The following GPC5 variants were observed in gnomAD, a reference collection of about 807,000 sequenced individuals.
GPC5 encodes glypican 5.
A neutral mutation model predicts 53.9 loss-of-function variants in GPC5; 47 were observed. The ratio of observed to expected loss-of-function variants is 0.87; its 90% CI spans 0.69 to 1.11. GPC5 has a LOEUF of 1.11. GPC5 is among the 50% of genes most tolerant of loss of function. The pLI is 0.00. For synonymous variants in GPC5, 286 were observed against 263.3 expected, an observed-to-expected ratio of 1.09 and a Z score of -0.84; for missense variants, 748 against 713.1, an observed-to-expected ratio of 1.05 and a Z score of -0.56.
At chr13:92,031,864 T>A (rs186279215) in intron 6 of GPC5, among the ~76,000 whole-genome samples, 1,602 of 31,662 alleles carry the variant, frequency 0.051, 24 homozygotes, top group Non-Finnish European at 0.078. Context: ...ATAATATATA[T>A]ATTATATATA....
chr13:92,798,871 A>ATGATT (rs1220995352), intron 7 of GPC5, among the ~76,000 whole-genome samples: 1 of 151,858 alleles, frequency 6.6e-6, no homozygotes, highest in African/African-American at 2.4e-5. Context: ...AAAACTCTAA[A>ATGATT]TGTAGTTTTA....
In GPC5 at chr13:91,883,869, G is replaced by A. The variant is rs530707685; in HGVS notation, c.1281-24068G>A. The stretch of plus-strand genomic sequence containing the variant: ...CTCGTGTCATGGGGGTTTGTTGTAC[G>A]GATTATTCCATTACCCACATAGTAA... On this transcript the variant is annotated intron_variant, in intron 5 of 7. Transcript: ENST00000377067. Among the ~76,000 whole-genome samples the A allele has an allele frequency of 4.6e-5, 7 of 151,954 alleles. No homozygotes were observed. In the South Asian group the frequency reaches 6.2e-4, roughly 14 times the overall value.
chr13:92,438,376 CAAAATA>C (rs1357330912), intron 7 of GPC5, among the ~76,000 whole-genome samples: 1 of 52,464 alleles, frequency 1.9e-5, no homozygotes, highest in African/African-American at 9.0e-5. Flanking sequence ...ACGTTTAAAG[CAAAATA>C]AATATATATA....
intron 5 of GPC5, among the ~76,000 whole-genome samples, chr13:91,793,054 T>C (rs919203636): frequency 7.9e-5 from 12 of 152,168 alleles, no homozygotes; most frequent in Admixed American, 7.9e-4. Flanking sequence ...GATGTATTAG[T>C]CTGTTCTCAT....
intron 6 of GPC5, among the ~76,000 whole-genome samples, chr13:92,121,041 G>A (rs2041644849): frequency 6.6e-6 from 1 of 152,154 alleles, no homozygotes; most frequent in Non-Finnish European, 1.5e-5. Flanking sequence ...TCAACAGGAG[G>A]ATAGAGATGC....
intron 7 of GPC5, among the ~76,000 whole-genome samples, chr13:92,402,029 G>T (rs1252495061): frequency 1.3e-5 from 2 of 152,094 alleles, no homozygotes; most frequent in African/African-American, 4.8e-5. Flanking sequence ...CCGTCAGAAG[G>T]CTCCTATTGA....
intron 6 of GPC5, among the ~76,000 whole-genome samples, chr13:91,998,973 C>T (rs568110062): frequency 6.6e-6 from 1 of 152,152 alleles, no homozygotes; most frequent in Admixed American, 6.5e-5. Context: ...GTCTTTCTTA[C>T]TAGAACTAGC....
chr13:92,106,032 C>T (rs1301252331), intron 6 of GPC5, among the ~76,000 whole-genome samples: 1 of 151,876 alleles, frequency 6.6e-6, no homozygotes, highest in African/African-American at 2.4e-5. Context: ...TTGTTATGTA[C>T]CAGTGATTCA....
At chr13:91,830,172 C>A (rs1277255169) in intron 5 of GPC5, among the ~76,000 whole-genome samples, 3 of 152,042 alleles carry the variant, frequency 2.0e-5, no homozygotes, top group Non-Finnish European at 4.4e-5. Context: ...TACCCCCAGG[C>A]ACGTATTCTC....
chr13:91,828,245 A>G (rs1473814729), intron 5 of GPC5, among the ~76,000 whole-genome samples: 2 of 152,046 alleles, frequency 1.3e-5, no homozygotes, highest in Non-Finnish European at 2.9e-5. Context: ...ATTGAATGGT[A>G]CATTTAATAT....
At chr13:91,773,037 C>G (rs2037652971) in intron 5 of GPC5, among the ~76,000 whole-genome samples, 1 of 152,000 alleles carries the variant, frequency 6.6e-6, no homozygotes, top group African/African-American at 2.4e-5. Flanking sequence ...ATGTGAGATT[C>G]TTGTTTGACT....
chr13:92,096,732 A>G (rs1198907182), intron 6 of GPC5, among the ~76,000 whole-genome samples: 1 of 152,220 alleles, frequency 6.6e-6, no homozygotes, highest in Non-Finnish European at 1.5e-5. Context: ...CCTTTAACAG[A>G]CACCATGTTG....
intron 7 of GPC5, among the ~76,000 whole-genome samples, chr13:92,325,618 T>A (rs1261036582): frequency 6.6e-6 from 1 of 152,168 alleles, no homozygotes; most frequent in East Asian, 1.9e-4. Flanking sequence ...GGCAAACAGA[T>A]GATTGGTTGA....
chr13:92,420,621 C>T (rs1876515707), intron 7 of GPC5, among the ~76,000 whole-genome samples: 2 of 151,882 alleles, frequency 1.3e-5, no homozygotes, highest in South Asian at 4.1e-4. Flanking sequence ...ATTAAACATC[C>T]CTGCCTCCCT....
At chr13:92,173,193 T>G (rs1229092501) in intron 7 of GPC5, among the ~76,000 whole-genome samples, 1 of 151,834 alleles carries the variant, frequency 6.6e-6, no homozygotes, top group Non-Finnish European at 1.5e-5. Context: ...ATTAATGGAT[T>G]TTTTTTTCAA....
At chr13:91,945,500 T>C (rs2039966050) in intron 6 of GPC5, among the ~76,000 whole-genome samples, 1 of 152,206 alleles carries the variant, frequency 6.6e-6, no homozygotes, top group Non-Finnish European at 1.5e-5. Flanking sequence ...ATTAAGAGAG[T>C]TGATATATTC....
intron 2 of GPC5, among the ~76,000 whole-genome samples, chr13:91,648,627 G>A: frequency 6.6e-6 from 1 of 151,972 alleles, no homozygotes; most frequent in Non-Finnish European, 1.5e-5. Flanking sequence ...TATAACTCTG[G>A]CATCCAGAAA....
At chr13:91,800,227 A>G (rs1249590471) in intron 5 of GPC5, among the ~76,000 whole-genome samples, 2 of 152,136 alleles carry the variant, frequency 1.3e-5, no homozygotes, top group Non-Finnish European at 2.9e-5. Flanking sequence ...GTACCTTGAC[A>G]TTATAATAGA....
intron 2 of GPC5, among the ~76,000 whole-genome samples, chr13:91,681,780 A>T (rs1288274059): frequency 6.6e-6 from 1 of 152,192 alleles, no homozygotes; most frequent in East Asian, 1.9e-4. Context: ...GTTGACTTCA[A>T]TGCAACACAT....
Sources: allele counts gnomAD v4.1 joint callset (sites outside exome capture counted in the v4.1 genomes callset), GRCh38; gene constraint gnomAD v4.1.1; transcripts MANE v1.5; gene names NCBI Gene and HGNC (gene_info 2026-07-23, HGNC 2026-07-21).